Variants in ABTB3 observed in about 807,000 individuals in gnomAD.
The protein encoded by ABTB3 is ankyrin repeat and BTB domain containing 3.
chr12:107,348,149 C>T, the ABTB3 span, among the ~76,000 whole-genome samples: 7 of 151,968 alleles, frequency 4.6e-5, no homozygotes, highest in African/African-American at 1.7e-4. Flanking sequence ...TACTTCACTA[C>T]TTTTATTTAT....
the ABTB3 span, among the ~76,000 whole-genome samples, chr12:107,581,968 G>T: frequency 6.6e-6 from 1 of 152,248 alleles, no homozygotes; most frequent in East Asian, 1.9e-4. Context: ...GCACTTTCCC[G>T]ACTCCCCCCA....
At chr12:107,487,392 C>T in the ABTB3 span, among the ~76,000 whole-genome samples, 1 of 152,150 alleles carries the variant, frequency 6.6e-6, no homozygotes, top group Non-Finnish European at 1.5e-5. Flanking sequence ...TTCCTTTCTA[C>T]ACTGTATTGG....
the ABTB3 span, chr12:107,581,298 A>T: frequency 1.4e-6 from 2 of 1,401,088 alleles, no homozygotes; most frequent in Non-Finnish European, 1.8e-6. Context: ...GAGCCGCGCC[A>T]GCTCAGGTAG....
At chr12:107,602,531 T>A in the ABTB3 span, among the ~76,000 whole-genome samples, 1 of 152,232 alleles carries the variant, frequency 6.6e-6, no homozygotes, top group Non-Finnish European at 1.5e-5. Context: ...ATTTAATTCA[T>A]ATCCAAAATC....
the ABTB3 span, among the ~76,000 whole-genome samples, chr12:107,608,709 A>AG: frequency 6.6e-6 from 1 of 151,608 alleles, no homozygotes; most frequent in Non-Finnish European, 1.5e-5. Flanking sequence ...GTCTTTACAA[A>AG]AATTTTTTTT....
the ABTB3 span, among the ~76,000 whole-genome samples, chr12:107,414,698 C>T: frequency 2.0e-5 from 3 of 151,430 alleles, no homozygotes; most frequent in Admixed American, 6.6e-5. Context: ...TTCACCATCC[C>T]CCCCTTTCTT....
chr12:107,319,490 G>C, the ABTB3 span: 1 of 1,594,878 alleles, frequency 6.3e-7, no homozygotes, highest in African/African-American at 1.3e-5. Context: ...GGCTGCGCTG[G>C]CCGCACTGTC....
At chr12:107,563,821 C>T in the ABTB3 span, among the ~76,000 whole-genome samples, 2 of 152,118 alleles carry the variant, frequency 1.3e-5, no homozygotes, top group Admixed American at 6.5e-5. Flanking sequence ...CCCAAAATGC[C>T]TGGTCATTTG....
the ABTB3 span, among the ~76,000 whole-genome samples, chr12:107,632,755 G>A: frequency 6.6e-6 from 1 of 152,172 alleles, no homozygotes; most frequent in Admixed American, 6.5e-5. Context: ...GGGGGCTTTG[G>A]GGAAGAATTG....
At chr12:107,598,854 A>G in the ABTB3 span, among the ~76,000 whole-genome samples, 2 of 152,218 alleles carry the variant, frequency 1.3e-5, no homozygotes, top group Non-Finnish European at 2.9e-5. Context: ...TGATACAGCC[A>G]TGATATAACC....
At chr12:107,544,303 C>G in the ABTB3 span, among the ~76,000 whole-genome samples, 10 of 152,116 alleles carry the variant, frequency 6.6e-5, no homozygotes, top group African/African-American at 2.2e-4. Context: ...ATCTTAGACC[C>G]GTGTGGGGGT....
chr12:107,449,558 T>C, the ABTB3 span, among the ~76,000 whole-genome samples: 1 of 152,174 alleles, frequency 6.6e-6, no homozygotes, highest in African/African-American at 2.4e-5. Flanking sequence ...CCGAGCAAAA[T>C]AGCATCAACA....
chr12:107,651,833 G>GCCGGT, the ABTB3 span: 8 of 1,524,222 alleles, frequency 5.2e-6, no homozygotes, highest in Non-Finnish European at 6.4e-6. Flanking sequence ...GAGCGCTGAA[G>GCCGGT]CCGGGGAGGC....
the ABTB3 span, among the ~76,000 whole-genome samples, chr12:107,321,603 CCACACACACA>C: frequency 1.2e-5 from 1 of 85,432 alleles, no homozygotes; most frequent in African/African-American, 4.5e-5. Flanking sequence ...ATCTTCGAGG[CCACACACACA>C]CACACACACA....
the ABTB3 span, among the ~76,000 whole-genome samples, chr12:107,581,798 G>T: frequency 2.0e-5 from 3 of 152,118 alleles, no homozygotes; most frequent in Admixed American, 6.6e-5. Flanking sequence ...CCACTCAGGG[G>T]CCCCCATGCG....
chr12:107,548,252 C>T, the ABTB3 span, among the ~76,000 whole-genome samples: 1 of 152,190 alleles, frequency 6.6e-6, no homozygotes, highest in East Asian at 1.9e-4. Flanking sequence ...ATTATTCTGA[C>T]AAAGTCAGGT....
the ABTB3 span, among the ~76,000 whole-genome samples, chr12:107,345,449 C>A: frequency 1.4e-5 from 2 of 144,288 alleles, no homozygotes; most frequent in African/African-American, 5.6e-5. Flanking sequence ...TCTTTGGATT[C>A]TTTTCAGTTG....
chr12:107,657,522 C>A, the ABTB3 span: 1 of 1,614,154 alleles, frequency 6.2e-7, no homozygotes, highest in African/African-American at 1.3e-5. Flanking sequence ...CTTGGAGTCA[C>A]AGAGCTCTCA....
At chr12:107,464,289 A>T in the ABTB3 span, among the ~76,000 whole-genome samples, 1 of 145,504 alleles carries the variant, frequency 6.9e-6, no homozygotes, top group African/African-American at 2.5e-5. Flanking sequence ...GAAGGCCTCT[A>T]TGAGGAGGTG....
Sources: allele counts gnomAD v4.1 joint callset (sites outside exome capture counted in the v4.1 genomes callset), GRCh38; gene constraint gnomAD v4.1.1; transcripts MANE v1.5; gene names NCBI Gene and HGNC (gene_info 2026-07-23, HGNC 2026-07-21).